VWA3B: variants seen among roughly 807,000 people sequenced by gnomAD.
VWA3B encodes the protein von Willebrand factor A domain-containing protein 3B.
VWA3B carries 138 observed loss-of-function variants against 158.3 expected under a neutral mutation model. The observed-to-expected ratio is 0.87, with a 90% CI of 0.76 to 1.00. The LOEUF is 1.00. Ranked by LOEUF, VWA3B falls within the 50% of genes least tolerant of loss-of-function variation. VWA3B has a pLI of 0.00. For synonymous variants in VWA3B, 596 were observed against 587.3 expected (o/e 1.01, Z -0.21); for missense variants, 1,555 against 1,565.1 (o/e 0.99, Z 0.11).
chr2:98,186,179 A>G (rs1479775721), intron 9 of VWA3B, among the ~76,000 whole-genome samples: 1 of 107,620 alleles, frequency 9.3e-6, no homozygotes, highest in East Asian at 2.6e-4. Context: ...TTTTTTTTGC[A>G]GAATATACAC....
chr2:98,164,929 A>G (rs1375504013), intron 8 of VWA3B, among the ~76,000 whole-genome samples: 1 of 152,186 alleles, frequency 6.6e-6, no homozygotes, highest in Non-Finnish European at 1.5e-5. Context: ...CAGCTCCATC[A>G]CTAGACCCAC....
intron 7 of VWA3B, among the ~76,000 whole-genome samples, chr2:98,135,950 C>T (rs1676250260): frequency 6.6e-6 from 1 of 152,240 alleles, no homozygotes; most frequent in Admixed American, 6.5e-5. Context: ...GCATTTTCCA[C>T]ATCACTTTCC....
chr2:98,161,048 CG>C (rs983271033), intron 7 of VWA3B, among the ~76,000 whole-genome samples: 4 of 152,172 alleles, frequency 2.6e-5, no homozygotes, highest in Non-Finnish European at 5.9e-5. Context: ...CCTTTGGCCC[CG>C]GGTGGATGAG....
intron 5 of VWA3B, among the ~76,000 whole-genome samples, chr2:98,127,531 C>A (rs979546902): frequency 8.0e-6 from 1 of 124,226 alleles, no homozygotes; most frequent in East Asian, 2.6e-4. Flanking sequence ...TGTCTGCTTA[C>A]TGGGGGAGGT....
rs374951833 is a variant in VWA3B at position 98,119,781 on chromosome 2, G to A, written c.542+18G>A. 4.3e-6 allele frequency: 7 copies of A among 1,610,676 alleles called. No homozygotes were observed. The highest frequency in any genetic ancestry group is 1.7e-5 in the Admixed American group (1 of 59,926). On this transcript the variant is annotated intron_variant, in intron 4 of 27. Transcript: ENST00000477737. ...ATCATACGGTGAGTTCCCATAGGAA[G>A]GGAGTATTTTAGTGAAAGTTCATAG...
intron 2 of VWA3B, among the ~76,000 whole-genome samples, chr2:98,110,300 T>C (rs1674040264): frequency 6.6e-6 from 1 of 152,170 alleles, no homozygotes; most frequent in South Asian, 2.1e-4. Context: ...ATTGAGTTCA[T>C]CCATTGAGTT....
chr2:98,312,461 C>G lies in VWA3B; in HGVS notation c.*112C>G. 1 of 1,333,084 alleles carries G rather than the reference C, an allele frequency of 7.5e-7. No homozygotes were observed. The highest frequency in any genetic ancestry group is 1.0e-6 in the Non-Finnish European group (1 of 992,326). The allele number at this position is 1,333,084 out of a possible 1,614,324, so 82.6% of individuals were successfully genotyped here. ...GCGGAGGTAAGGCCGCCCTCCGCGCCGCCTATGCCTGCCCTGTCTGTAGCA... is the reference window on the plus strand; with the variant it reads ...GCGGAGGTAAGGCCGCCCTCCGCGCGGCCTATGCCTGCCCTGTCTGTAGCA... On this transcript the variant is annotated 3_prime_UTR_variant, in exon 28 of 28. Coordinates refer to ENST00000477737, the MANE Select transcript of VWA3B (RefSeq NM_144992.5).
chr2:98,280,945 A>G (rs1487946754), intron 22 of VWA3B, among the ~76,000 whole-genome samples: 1 of 152,168 alleles, frequency 6.6e-6, no homozygotes. Flanking sequence ...TCATGCAGGA[A>G]ATTCCACTTA....
chr2:98,117,029 T>C (rs1295942803), intron 3 of VWA3B, among the ~76,000 whole-genome samples: 2 of 152,206 alleles, frequency 1.3e-5, no homozygotes, highest in Non-Finnish European at 2.9e-5. Context: ...ATTTTACCAT[T>C]TTCCTTGGAT....
chr2:98,214,902 T>C (rs190520120), intron 13 of VWA3B, among the ~76,000 whole-genome samples: 455 of 152,254 alleles, frequency 3.0e-3, no homozygotes, highest in Non-Finnish European at 4.5e-3. Context: ...AGCTGCAAGG[T>C]CCATGTTTTG....
At chr2:98,235,727 A>G (rs192125836) in intron 17 of VWA3B, among the ~76,000 whole-genome samples, 1 of 152,066 alleles carries the variant, frequency 6.6e-6, no homozygotes, top group Non-Finnish European at 1.5e-5. Context: ...CTCCCTTTCA[A>G]TTAACCTGCC....
chr2:98,203,282 ATTG>A (rs1325749253), intron 12 of VWA3B, among the ~76,000 whole-genome samples: 1 of 152,142 alleles, frequency 6.6e-6, no homozygotes, highest in African/African-American at 2.4e-5. Flanking sequence ...GTTCTGTTCT[ATTG>A]TTATATGTGT....
At chr2:98,109,559 A>G (rs1274916877) in intron 2 of VWA3B, among the ~76,000 whole-genome samples, 1 of 152,184 alleles carries the variant, frequency 6.6e-6, no homozygotes, top group Non-Finnish European at 1.5e-5. Context: ...ACTCAAAAGG[A>G]GAAGGACTGT....
At chr2:98,095,545 A>T (rs952790616) in intron 2 of VWA3B, among the ~76,000 whole-genome samples, 1 of 152,220 alleles carries the variant, frequency 6.6e-6, no homozygotes, top group African/African-American at 2.4e-5. Flanking sequence ...TTTTCTCTGT[A>T]TAAGATTGTG....
the VWA3B span, among the ~76,000 whole-genome samples, chr2:98,319,361 C>A: frequency 6.6e-6 from 1 of 151,844 alleles, no homozygotes; most frequent in Non-Finnish European, 1.5e-5. Context: ...TAAAGAAAGT[C>A]AAAAGACAAA....
chr2:98,306,657 G>C (rs1325711623), intron 26 of VWA3B, among the ~76,000 whole-genome samples: 1 of 152,132 alleles, frequency 6.6e-6, no homozygotes, highest in Non-Finnish European at 1.5e-5. Flanking sequence ...ATGTATCTAA[G>C]TATTACCCAT....
intron 19 of VWA3B, among the ~76,000 whole-genome samples, chr2:98,238,471 A>G (rs1416059024): frequency 6.6e-6 from 1 of 152,156 alleles, no homozygotes; most frequent in African/African-American, 2.4e-5. Flanking sequence ...TTTATTTGGG[A>G]CGAAATATAT....
the VWA3B span, among the ~76,000 whole-genome samples, chr2:98,322,259 T>C: frequency 1.3e-5 from 2 of 152,306 alleles, no homozygotes; most frequent in Admixed American, 1.3e-4. Context: ...TCTTTAAAAC[T>C]GCAAATGGAG....
chr2:98,193,514 A>G (rs1436916170), intron 11 of VWA3B, among the ~76,000 whole-genome samples: 2 of 152,202 alleles, frequency 1.3e-5, no homozygotes, highest in Non-Finnish European at 2.9e-5. Flanking sequence ...GTCAAATGAC[A>G]TCACAGTAAT....
Sources: allele counts gnomAD v4.1 joint callset (sites outside exome capture counted in the v4.1 genomes callset), GRCh38; gene constraint gnomAD v4.1.1; transcripts MANE v1.5; gene names NCBI Gene and HGNC (gene_info 2026-07-23, HGNC 2026-07-21).